The following NARS2 variants were observed in gnomAD, a reference collection of about 807,000 sequenced individuals.
The protein encoded by NARS2 is asparaginyl-tRNA synthetase 2, mitochondrial.
NARS2 carries 60 observed loss-of-function variants against 62.9 expected under a neutral mutation model. The observed-to-expected ratio is 0.95, with a 90% CI of 0.77 to 1.18. The LOEUF (loss-of-function observed/expected upper bound fraction) is 1.18. Ranked by LOEUF, NARS2 falls within the 50% of genes most tolerant of loss-of-function variation. NARS2 has a pLI of 0.00. For synonymous variants in NARS2, 196 were observed against 200.0 expected (o/e 0.98, Z 0.17); for missense variants, 619 against 576.4 (o/e 1.07, Z -0.76).
At chr11:78,548,686 A>G (rs927837814) in intron 5 of NARS2, among the ~76,000 whole-genome samples, 57 of 152,198 alleles carry the variant, frequency 3.7e-4, no homozygotes, top group Admixed American at 3.7e-3. Context: ...CGTGGTGGTA[A>G]AAAGTAGCCA....
chr11:78,500,032 T>C (rs1469233555), intron 6 of NARS2, among the ~76,000 whole-genome samples: 1 of 152,214 alleles, frequency 6.6e-6, no homozygotes, highest in East Asian at 1.9e-4. Context: ...TTTAGTTACA[T>C]GTACTACATA....
chr11:78,524,624 AC>A (rs1417367380), intron 6 of NARS2, among the ~76,000 whole-genome samples: 1 of 152,076 alleles, frequency 6.6e-6, no homozygotes, highest in East Asian at 1.9e-4. Flanking sequence ...GAATGAACTT[AC>A]CACTTATAAA....
rs971975937 is a variant in NARS2, at chr11:78,539,852, C to G, written c.595-10916G>C. 2.0e-5 allele frequency among the ~76,000 whole-genome samples: 3 copies of G among 152,290 alleles called. No homozygotes were observed. In the East Asian group the frequency reaches 5.8e-4, roughly 29 times the overall value. On this transcript the variant is annotated intron_variant, in intron 5 of 13. Transcript: ENST00000281038. Reference sequence around the variant, plus strand: ...CCAAGTTCCCAATGCTCTGTTAAGGCATTCATATAGTCTATCAACAAAACC... The same window carrying G: ...CCAAGTTCCCAATGCTCTGTTAAGGGATTCATATAGTCTATCAACAAAACC...
chr11:78,564,485 C>T (rs897551501), intron 4 of NARS2, among the ~76,000 whole-genome samples: 1 of 152,168 alleles, frequency 6.6e-6, no homozygotes, highest in Non-Finnish European at 1.5e-5. Flanking sequence ...ACCACTGCAC[C>T]CTGACTACTT....
chr11:78,452,120 AT>A (rs1224071814), intron 11 of NARS2, among the ~76,000 whole-genome samples: 1 of 151,200 alleles, frequency 6.6e-6, no homozygotes, highest in Non-Finnish European at 1.5e-5. Context: ...TTTTTTTTAA[AT>A]TTTTTTGAGA....
chr11:78,474,110 T>C (rs1205364657), intron 9 of NARS2, among the ~76,000 whole-genome samples: 1 of 152,240 alleles, frequency 6.6e-6, no homozygotes, highest in Non-Finnish European at 1.5e-5. Context: ...AAGAATCTTA[T>C]AATATTTTAA....
At chr11:78,497,409 G>A (rs1433977848) in intron 6 of NARS2, among the ~76,000 whole-genome samples, 1 of 152,074 alleles carries the variant, frequency 6.6e-6, no homozygotes, top group African/African-American at 2.4e-5. Flanking sequence ...CATTTTGAAA[G>A]AACAGAGGAA....
intron 11 of NARS2, among the ~76,000 whole-genome samples, chr11:78,449,788 G>GT (rs1171231511): frequency 6.6e-6 from 1 of 152,156 alleles, no homozygotes; most frequent in Non-Finnish European, 1.5e-5. Context: ...TCCCCTTGTT[G>GT]TAACAACCAA....
intron 11 of NARS2, among the ~76,000 whole-genome samples, chr11:78,445,224 TAGTA>T (rs1445505178): frequency 1.3e-5 from 2 of 152,320 alleles, no homozygotes; most frequent in Non-Finnish European, 2.9e-5. Flanking sequence ...AAAAAACTCT[TAGTA>T]AGGGAAAATG....
At chr11:78,464,617 A>C (rs973721667) in intron 11 of NARS2, among the ~76,000 whole-genome samples, 1 of 152,062 alleles carries the variant, frequency 6.6e-6, no homozygotes, top group Non-Finnish European at 1.5e-5. Context: ...CCTGAGCTAG[A>C]CACAGGGTGC....
At chr11:78,466,085 A>C (rs1162771223) in intron 10 of NARS2, 72 bp from the exon 11 acceptor site, 1 of 1,467,212 alleles carries the variant, frequency 6.8e-7, no homozygotes, top group Non-Finnish European at 9.2e-7. Flanking sequence ...GCTGAAAATA[A>C]CCTGCATCAA....
chr11:78,568,870 G>T, intron 2 of NARS2, 118 bp from the exon 3 acceptor site: 1 of 728,794 alleles, frequency 1.4e-6, no homozygotes, highest in Non-Finnish European at 2.1e-6. Context: ...CCCTTATTGG[G>T]TTAAATAATC....
intron 10 of NARS2, among the ~76,000 whole-genome samples, chr11:78,468,792 CT>C (rs538005557): frequency 0.019 from 2,418 of 130,606 alleles, 40 homozygotes; most frequent in African/African-American, 0.056. Flanking sequence ...TAAAAATTCA[CT>C]TTTTTTTTTT....
At chr11:78,480,031 T>C (rs947661108) in intron 7 of NARS2, among the ~76,000 whole-genome samples, 1 of 152,116 alleles carries the variant, frequency 6.6e-6, no homozygotes, top group African/African-American at 2.4e-5. Context: ...ACTGAGTAAC[T>C]GGGACCACAG....
intron 11 of NARS2, among the ~76,000 whole-genome samples, chr11:78,450,097 G>A (rs565870689): frequency 1.3e-5 from 2 of 152,294 alleles, no homozygotes; most frequent in South Asian, 4.1e-4. Flanking sequence ...CACATTAATG[G>A]GACGGGGAAG....
chr11:78,564,344 T>C (rs924700150), intron 4 of NARS2, among the ~76,000 whole-genome samples: 4 of 151,894 alleles, frequency 2.6e-5, no homozygotes, highest in Admixed American at 6.6e-5. Context: ...TATAGGCACA[T>C]GCCACCATGC....
intron 5 of NARS2, among the ~76,000 whole-genome samples, chr11:78,544,371 T>C (rs1855765060): frequency 6.6e-6 from 1 of 152,222 alleles, no homozygotes; most frequent in Non-Finnish European, 1.5e-5. Flanking sequence ...AAGTTTCAAA[T>C]ATGCAATGGA....
intron 1 of NARS2, among the ~76,000 whole-genome samples, chr11:78,572,060 T>C (rs1856946609): frequency 6.6e-6 from 1 of 152,104 alleles, no homozygotes; most frequent in African/African-American, 2.4e-5. Context: ...CGCTCGTTTG[T>C]AGTCCCAGTT....
rs563387498 is a variant in NARS2, at chr11:78,493,170, C to T, written c.715G>A (p.Gly239Ser). 3.1e-6 allele frequency: 5 copies of T among 1,613,760 alleles called. No individual in the cohort carries two copies. The South Asian group carries it at 4.4e-5, about 14-fold the overall frequency. ...GAATTTTCAGCTCGGAAGGTCGGACCAAAGGTAAACACTTGAGTAAAAGCT... is the reference window on the plus strand; with the variant it reads ...GAATTTTCAGCTCGGAAGGTCGGACTAAAGGTAAACACTTGAGTAAAAGCT... ...SGAFTQVFTF[G>S]PTFRAENSQS... The change falls in exon 7 of 14, where the codon GGT becomes AGT. Residue 239 changes from glycine to serine, a missense_variant. Coordinates refer to ENST00000281038, the MANE Select transcript of NARS2 (RefSeq NM_024678.6).
Sources: gnomAD v4.1 joint callset for allele counts (sites outside exome capture counted in the v4.1 genomes callset) on GRCh38, gnomAD v4.1.1 for gene constraint, MANE v1.5 for transcripts, NCBI Gene and HGNC (gene_info 2026-07-23, HGNC 2026-07-21) for gene names.